Variants in DENND5A observed in about 807,000 individuals in gnomAD.
DENND5A encodes the protein DENN domain-containing protein 5A.
A neutral mutation model predicts 140.3 loss-of-function variants in DENND5A; 64 were observed. That is an observed-to-expected ratio of 0.46 (90% CI 0.37 to 0.56). The LOEUF (loss-of-function observed/expected upper bound fraction) is 0.56, where lower values mean the gene tolerates loss of function less well. DENND5A is among the 20% of genes least tolerant of loss of function. DENND5A has a pLI of 0.00. For synonymous variants in DENND5A, 605 were observed against 607.7 expected, an observed-to-expected ratio of 1.00 and a Z score of 0.07; for missense variants, 1,292 against 1,593.8, an observed-to-expected ratio of 0.81 and a Z score of 3.22.
intron 12 of DENND5A, 78 bp downstream of exon 12, chr11:9,160,635 C>T: frequency 1.4e-6 from 2 of 1,398,464 alleles, no homozygotes; most frequent in Non-Finnish European, 2.0e-6. Context: ...GTCAGCTGGA[C>T]AAAAAGAGTG....
rs569073590 is a variant in DENND5A, at chr11:9,255,925, C to G, written c.109+9036G>C. Among the ~76,000 whole-genome samples the G allele has an allele frequency of 5.3e-5, 8 of 150,972 alleles. No individual in the cohort carries two copies. The South Asian group carries it at 1.7e-3, about 32-fold the overall frequency. On this transcript the variant is annotated intron_variant, in intron 1 of 22. Coordinates refer to ENST00000328194, the MANE Select transcript of DENND5A (RefSeq NM_015213.4). Reference sequence around the variant, plus strand: ...CCTGTAATCCCAGCTACTCAAGAGGCTGAGGAAGGAGAATGGCCTGAACCC... The same window carrying G: ...CCTGTAATCCCAGCTACTCAAGAGGGTGAGGAAGGAGAATGGCCTGAACCC...
chr11:9,152,478 T>C, intron 12 of DENND5A, 36 bp from the exon 13 acceptor site: 1 of 1,452,276 alleles, frequency 6.9e-7, no homozygotes, highest in Non-Finnish European at 9.7e-7. Context: ...CCTATCAGTT[T>C]AGATTTCAGG....
Position 9,142,016 on chromosome 11 carries a change from C to T in DENND5A, c.3604G>A (p.Val1202Ile). 1.2e-6 allele frequency: 2 copies of T among 1,606,380 alleles called. No individual in the cohort carries two copies. Among genetic ancestry groups the T allele is most frequent in the Non-Finnish European group, 1.7e-6 (2 of 1,176,684 alleles). ...CGGGGAGTATTGTTGATTGCAGTGA[C>T]AAATCGGCAGAAGTTCCGGGCTCTT... is the stretch of plus-strand genomic sequence containing the variant. Reference protein sequence around the residue: ...HTRARNFCRFVTAINNTPRNI... With the variant: ...HTRARNFCRFITAINNTPRNI... The change falls in exon 22 of 23, where the codon GTC (valine) becomes ATC (isoleucine). Residue 1202 changes from valine (V) to isoleucine (I), a missense_variant. Coordinates refer to ENST00000328194, the MANE Select transcript of DENND5A (RefSeq NM_015213.4).
chr11:9,174,767 T>A (rs1237090630), intron 8 of DENND5A, among the ~76,000 whole-genome samples: 1 of 146,712 alleles, frequency 6.8e-6, no homozygotes, highest in Admixed American at 7.2e-5. Flanking sequence ...AAAAACCATA[T>A]AATTACCTTG....
chr11:9,230,520 T>C (rs1425142086), intron 1 of DENND5A, among the ~76,000 whole-genome samples: 1 of 152,050 alleles, frequency 6.6e-6, no homozygotes, highest in Admixed American at 6.6e-5. Context: ...GGATTACAAG[T>C]GTGAGCCACA....
At chr11:9,254,328 AAGCCAGAC>A (rs1851857815) in intron 1 of DENND5A, among the ~76,000 whole-genome samples, 3 of 152,100 alleles carry the variant, frequency 2.0e-5, no homozygotes, top group African/African-American at 7.2e-5. Flanking sequence ...TGGCTTTTTT[AAGCCAGAC>A]CACATCTCAA....
rs970803043 is a variant in DENND5A at position 9,160,984 on chromosome 11, A to G, written c.2284-119T>C. Reference sequence around the variant, plus strand: ...TGGGCTGGGAAGGACAGGATGAATTAGCCCCAAGGACACAGAATATATTTA... The same window carrying G: ...TGGGCTGGGAAGGACAGGATGAATTGGCCCCAAGGACACAGAATATATTTA... On this transcript the variant is annotated intron_variant, in intron 11 of 22. Transcript: ENST00000328194. The G allele has an allele frequency of 6.3e-6, 6 of 957,246 alleles. No individual in the cohort carries two copies. The African/African-American group carries it at 6.5e-5, about 10-fold the overall frequency. The allele number at this position is 957,246 out of a possible 1,614,324, so 59.3% of individuals were successfully genotyped here.
At chr11:9,264,903 C>T in intron 1 of DENND5A, 58 bp downstream of exon 1, 1 of 1,419,314 alleles carries the variant, frequency 7.0e-7, no homozygotes, top group Non-Finnish European at 9.6e-7. Flanking sequence ...AAGGTTTCTT[C>T]TGGGGTCCCC....
chr11:9,156,582 G>A (rs187351237), intron 12 of DENND5A, among the ~76,000 whole-genome samples: 47 of 150,318 alleles, frequency 3.1e-4, no homozygotes, highest in African/African-American at 9.3e-4. Context: ...AGCCAAGATC[G>A]CGCCATTGCA....
At chr11:9,220,203 C>G (rs113032372) in intron 1 of DENND5A, among the ~76,000 whole-genome samples, 8,943 of 152,214 alleles carry the variant, frequency 0.059, 367 homozygotes, top group South Asian at 0.1. Flanking sequence ...TGTGGCATAA[C>G]TTTCTTATAA....
At chr11:9,147,714 C>A (rs961217165) in intron 15 of DENND5A, among the ~76,000 whole-genome samples, 1 of 152,248 alleles carries the variant, frequency 6.6e-6, no homozygotes, top group East Asian at 1.9e-4. Context: ...AAGAGCCATG[C>A]AGATCATATC....
chr11:9,254,002 A>G (rs1851838376), intron 1 of DENND5A, among the ~76,000 whole-genome samples: 1 of 151,990 alleles, frequency 6.6e-6, no homozygotes, highest in Non-Finnish European at 1.5e-5. Context: ...TACTAAGAAT[A>G]CAAATTAGCC....
At chr11:9,239,127 C>A (rs546864664) in intron 1 of DENND5A, among the ~76,000 whole-genome samples, 1 of 151,934 alleles carries the variant, frequency 6.6e-6, no homozygotes, top group East Asian at 1.9e-4. Context: ...CCACTGCGCC[C>A]GGCCTACATC....
intron 1 of DENND5A, among the ~76,000 whole-genome samples, chr11:9,212,397 A>G (rs1849915003): frequency 6.6e-6 from 1 of 152,220 alleles, no homozygotes; most frequent in African/African-American, 2.4e-5. Context: ...AATTTGGTAA[A>G]AGACAAAAAT....
At chr11:9,259,742 T>C (rs559326292) in intron 1 of DENND5A, among the ~76,000 whole-genome samples, 1 of 151,862 alleles carries the variant, frequency 6.6e-6, no homozygotes, top group East Asian at 2.0e-4. Context: ...TAAGAGACTA[T>C]TTCAGGCCAG....
intron 1 of DENND5A, among the ~76,000 whole-genome samples, chr11:9,221,607 C>G (rs1186164585): frequency 6.6e-6 from 1 of 151,996 alleles, no homozygotes; most frequent in Non-Finnish European, 1.5e-5. Flanking sequence ...CTCAGGCAAT[C>G]GGTCTGCCTC....
At chr11:9,244,334 G>A (rs1290771545) in intron 1 of DENND5A, among the ~76,000 whole-genome samples, 2 of 151,900 alleles carry the variant, frequency 1.3e-5, no homozygotes, top group African/African-American at 4.8e-5. Flanking sequence ...CTTGTTAATG[G>A]GATTAAGGCC....
intron 8 of DENND5A, among the ~76,000 whole-genome samples, chr11:9,177,395 T>A (rs1011720362): frequency 1.3e-5 from 2 of 151,612 alleles, no homozygotes; most frequent in African/African-American, 4.9e-5. Flanking sequence ...TTCATGCGCG[T>A]AATGCCAACA....
chr11:9,142,121 G>T lies in DENND5A; in HGVS notation c.3512-13C>A. On this transcript the variant is annotated splice_polypyrimidine_tract_variant and intron_variant, in intron 21 of 22. Coordinates refer to ENST00000328194, the MANE Select transcript of DENND5A (RefSeq NM_015213.4). ...GTTTGTGCTTTTTCTGTGAAGAGTA[G>T]AAAAGCTTGCCAGTGAAAAGGCTCT... The T allele has an allele frequency of 1.3e-6, 2 of 1,564,048 alleles. No individual in the cohort carries two copies. Among genetic ancestry groups the T allele is most frequent in the Non-Finnish European group, 1.7e-6 (2 of 1,150,874 alleles).
Sources: allele counts gnomAD v4.1 joint callset (sites outside exome capture counted in the v4.1 genomes callset), GRCh38; gene constraint gnomAD v4.1.1; transcripts MANE v1.5; gene names NCBI Gene and HGNC (gene_info 2026-07-23, HGNC 2026-07-21).